Variants in LDLRAD4 observed in about 807,000 individuals in gnomAD.
LDLRAD4 encodes the protein low-density lipoprotein receptor class A domain-containing protein 4.
LDLRAD4 carries 5 observed loss-of-function variants against 17.0 expected under a neutral mutation model. That is an observed-to-expected ratio of 0.29 (90% confidence interval 0.15 to 0.62). The LOEUF (loss-of-function observed/expected upper bound fraction) is 0.62, where lower values mean the gene tolerates loss of function less well. Among genes scored for constraint, LDLRAD4 ranks in the 20% least tolerant of loss-of-function variants. The pLI, the probability that LDLRAD4 is intolerant of heterozygous loss-of-function variation, is 0.84. For missense variants in LDLRAD4, 340 were observed against 424.7 expected (o/e 0.80, Z 1.75); for synonymous variants, 168 against 171.8 (o/e 0.98, Z 0.17).
intron 2 of LDLRAD4, among the ~76,000 whole-genome samples, chr18:13,403,603 A>G (rs1265132322): frequency 6.6e-6 from 1 of 152,204 alleles, no homozygotes; most frequent in Non-Finnish European, 1.5e-5. Context: ...AGGAATTAAC[A>G]TGGTCTCTGA....
chr18:13,372,497 A>G (rs1250572191), intron 1 of LDLRAD4, among the ~76,000 whole-genome samples: 1 of 152,202 alleles, frequency 6.6e-6, no homozygotes, highest in Non-Finnish European at 1.5e-5. Context: ...AAATACAGAG[A>G]ACAAAACAGC....
intron 3 of LDLRAD4, among the ~76,000 whole-genome samples, chr18:13,603,500 C>A (rs1159246083): frequency 6.6e-6 from 1 of 152,200 alleles, no homozygotes; most frequent in Non-Finnish European, 1.5e-5. Context: ...TGCTGTGTGA[C>A]TTTGGGCAAA....
chr18:13,494,375 A>G (rs552182844), intron 3 of LDLRAD4, among the ~76,000 whole-genome samples: 54 of 152,194 alleles, frequency 3.5e-4, no homozygotes, highest in Admixed American at 1.4e-3. Context: ...ACTGGAGTCT[A>G]GAGGCTTTTT....
chr18:13,452,142 G>T (rs2146397223), intron 3 of LDLRAD4, among the ~76,000 whole-genome samples: 1 of 152,324 alleles, frequency 6.6e-6, no homozygotes, highest in East Asian at 1.9e-4. Context: ...AGAGGGGCAG[G>T]TCCCCAGTAG....
intron 1 of LDLRAD4, among the ~76,000 whole-genome samples, chr18:13,268,787 T>C (rs1263303149): frequency 6.6e-6 from 1 of 152,236 alleles, no homozygotes; most frequent in African/African-American, 2.4e-5. Flanking sequence ...AAACTTTGGC[T>C]TATAACAAGG....
chr18:13,389,783 G>A (rs1012961889), intron 2 of LDLRAD4, among the ~76,000 whole-genome samples: 1 of 151,884 alleles, frequency 6.6e-6, no homozygotes, highest in Admixed American at 6.6e-5. Flanking sequence ...TGCCCCAAAG[G>A]AAAGGGAAAG....
rs780763469 is a variant in LDLRAD4 at position 13,643,421 on chromosome 18, C to A, written c.390+9C>A. ...GGCTGGGCGCCTCGGAGGTAAGGGG[C>A]CCCAGGAGGTGATGGCTGCGGGGGG... On this transcript the variant is annotated intron_variant, in intron 5 of 5. Transcript: ENST00000359446. The A allele has an allele frequency of 7.6e-6, 9 of 1,177,634 alleles. No individual in the cohort carries two copies. In the East Asian group the frequency reaches 2.6e-4, roughly 34 times the overall value. The allele number at this position is 1,177,634 out of a possible 1,614,324, so 72.9% of individuals were successfully genotyped here.
chr18:13,380,888 A>G lies in LDLRAD4; in HGVS notation c.-382-6453A>G, dbSNP rs1163102337. On this transcript the variant is annotated intron_variant, in intron 1 of 5. Coordinates refer to ENST00000359446, the Ensembl canonical transcript of LDLRAD4. ...GTGAGGATGGCTTGGAGGTTGTGTTACAAAAGCTACATGTTATTTTGCCCC... is the reference window on the plus strand; with the variant it reads ...GTGAGGATGGCTTGGAGGTTGTGTTGCAAAAGCTACATGTTATTTTGCCCC... 2.0e-5 allele frequency among the ~76,000 whole-genome samples: 3 copies of G among 152,128 alleles called. No individual in the cohort carries two copies. The South Asian group carries it at 6.2e-4, about 32-fold the overall frequency.
intron 3 of LDLRAD4, among the ~76,000 whole-genome samples, chr18:13,446,900 G>A (rs2091446585): frequency 1.4e-5 from 2 of 146,364 alleles, no homozygotes; most frequent in Admixed American, 7.4e-5. Flanking sequence ...GGCCTGCCTC[G>A]GGGGCCTTCT....
chr18:13,408,511 C>T (rs2088002139), intron 2 of LDLRAD4, among the ~76,000 whole-genome samples: 1 of 151,424 alleles, frequency 6.6e-6, no homozygotes, highest in Non-Finnish European at 1.5e-5. Flanking sequence ...TTTGTTCTGT[C>T]ACCCAGGCTA....
rs1253675899 is a variant in LDLRAD4 at position 13,645,707 on chromosome 18, G to A, written c.*50G>A. ...GGAGAAAGAAACCAAGAAGGGAAGCGGCCGCTGGGCCCCTCCTGCGCACAG... is the reference window on the plus strand; with the variant it reads ...GGAGAAAGAAACCAAGAAGGGAAGCAGCCGCTGGGCCCCTCCTGCGCACAG... On this transcript the variant is annotated 3_prime_UTR_variant, in exon 6 of 6. Transcript: ENST00000359446. The surrounding 1 kb of genome is among the most constrained non-coding windows in gnomAD (Gnocchi z 5.7). 2.8e-5 allele frequency: 40 copies of A among 1,411,778 alleles called. No homozygotes were observed. Among genetic ancestry groups the A allele is most frequent in the Non-Finnish European group, 3.4e-5 (36 of 1,048,210 alleles). 87.5% of individuals were successfully genotyped at this position (1,411,778 alleles called of 1,614,324 possible). A position where few individuals can be genotyped will look rare whatever the true frequency, so the allele number is the denominator to read the frequency against.
chr18:13,234,474 CAGAT>C (rs2042237783), intron 1 of LDLRAD4, among the ~76,000 whole-genome samples: 1 of 148,754 alleles, frequency 6.7e-6, no homozygotes. Context: ...GTTGAATAAA[CAGAT>C]GGACTGTGAG....
At chr18:13,554,725 T>C (rs556577772) in intron 3 of LDLRAD4, among the ~76,000 whole-genome samples, 51 of 152,332 alleles carry the variant, frequency 3.3e-4, no homozygotes, top group African/African-American at 1.2e-3. Context: ...CCATTAAAAA[T>C]AAGATTTTAA....
intron 1 of LDLRAD4, among the ~76,000 whole-genome samples, chr18:13,339,567 C>T: frequency 6.6e-6 from 1 of 152,042 alleles, no homozygotes. Context: ...AAAACGTAAA[C>T]AAGAACTTTA....
At chr18:13,649,859 C>T in exon 6 of LDLRAD4, 1 of 395,558 alleles carries the variant, frequency 2.5e-6, no homozygotes, top group Non-Finnish European at 4.5e-6. Flanking sequence ...GCTCCACAGC[C>T]TGCCCTTTGC....
At chr18:13,232,922 C>G (rs1424362666) in intron 1 of LDLRAD4, among the ~76,000 whole-genome samples, 1 of 152,202 alleles carries the variant, frequency 6.6e-6, no homozygotes, top group East Asian at 1.9e-4. Context: ...CTGGTGTGGT[C>G]CTCCTGGTTC....
chr18:13,416,674 T>A (rs2088926186), intron 2 of LDLRAD4, among the ~76,000 whole-genome samples: 1 of 152,238 alleles, frequency 6.6e-6, no homozygotes, highest in African/African-American at 2.4e-5. Context: ...CATTTATTTA[T>A]TCAACAAAAT....
intron 3 of LDLRAD4, among the ~76,000 whole-genome samples, chr18:13,529,576 A>G (rs1351772857): frequency 1.3e-5 from 2 of 152,230 alleles, no homozygotes; most frequent in African/African-American, 4.8e-5. Context: ...TTAGGATGGG[A>G]TCTATCAAGT....
chr18:13,342,370 T>G (rs2082418084), intron 1 of LDLRAD4, among the ~76,000 whole-genome samples: 1 of 152,068 alleles, frequency 6.6e-6, no homozygotes, highest in East Asian at 1.9e-4. Context: ...CCTTGGTTTT[T>G]CTTTCATAGG....
Sources: gnomAD v4.1 joint callset for allele counts (sites outside exome capture counted in the v4.1 genomes callset) on GRCh38, gnomAD v4.1.1 for gene constraint, Gnocchi (gnomAD v3.1) non-coding constraint, MANE v1.5 for transcripts, NCBI Gene and HGNC (gene_info 2026-07-23, HGNC 2026-07-21) for gene names.